TMEM45A: variants seen among roughly 807,000 people sequenced by gnomAD.
TMEM45A encodes DNA polymerase-transactivated protein 4.
A neutral mutation model predicts 32.0 loss-of-function variants in TMEM45A; 25 were observed. The observed-to-expected ratio is 0.78, with a 90% confidence interval of 0.57 to 1.09. The LOEUF (loss-of-function observed/expected upper bound fraction) is 1.09, where lower values mean the gene tolerates loss of function less well. TMEM45A is among the 50% of genes least tolerant of loss of function. The probability of loss-of-function intolerance (pLI) is 0.00; values close to 1 mark genes in which losing one functional copy is unlikely to be tolerated. For missense variants in TMEM45A, 302 were observed against 325.0 expected (o/e 0.93, Z 0.54); for synonymous variants, 122 against 114.8 (o/e 1.06, Z -0.40).
chr3:100,506,044 C>A (rs181566292), intron 1 of TMEM45A, among the ~76,000 whole-genome samples: 1 of 152,154 alleles, frequency 6.6e-6, no homozygotes, highest in Non-Finnish European at 1.5e-5. Context: ...ATCGTACTGA[C>A]CAGCACCTGT....
intron 1 of TMEM45A, among the ~76,000 whole-genome samples, chr3:100,532,393 C>T (rs1430274396): frequency 6.6e-6 from 1 of 152,152 alleles, no homozygotes; most frequent in African/African-American, 2.4e-5. Flanking sequence ...AAAACCAGAA[C>T]AAAAGTCATC....
At chr3:100,512,727 G>A (rs1196953856) in intron 1 of TMEM45A, among the ~76,000 whole-genome samples, 1 of 150,780 alleles carries the variant, frequency 6.6e-6, no homozygotes, top group Non-Finnish European at 1.5e-5. Flanking sequence ...TAGACCACTA[G>A]CAAGACTAAT....
chr3:100,528,111 T>G (rs1475341996), intron 1 of TMEM45A, among the ~76,000 whole-genome samples: 1 of 152,226 alleles, frequency 6.6e-6, no homozygotes. Flanking sequence ...TCACTGGGTG[T>G]TCTACACTTC....
intron 1 of TMEM45A, among the ~76,000 whole-genome samples, chr3:100,518,043 T>C (rs973045217): frequency 3.3e-5 from 5 of 152,320 alleles, no homozygotes; most frequent in Non-Finnish European, 7.3e-5. Flanking sequence ...GTTATGGGGT[T>C]TAGGAGGGTC....
In TMEM45A at chr3:100,494,349, C is replaced by T. The variant is rs139513117; in HGVS notation, c.-4+1421C>T. Among the ~76,000 whole-genome samples the T allele has an allele frequency of 7.5e-3, 1,147 of 152,176 alleles. 13 individuals are homozygous for T. The highest frequency in any genetic ancestry group is 0.027 in the African/African-American group (1,106 of 41,538). On this transcript the variant is annotated intron_variant, in intron 1 of 5. Coordinates refer to ENST00000323523, the MANE Select transcript of TMEM45A (RefSeq NM_018004.3). ...CAATAATTAAAAGTTGCAGCCTGGG[C>T]GCGGTGGCTCACGCCTGTAATCCCA... is the stretch of plus-strand genomic sequence containing the variant.
rs116597430 is a variant in TMEM45A, at chr3:100,499,293, A to G, written c.-4+6365A>G. 6.1e-3 allele frequency among the ~76,000 whole-genome samples: 930 copies of G among 152,192 alleles called. 12 individuals are homozygous for G. Among genetic ancestry groups the G allele is most frequent in the African/African-American group, 0.021 (863 of 41,530 alleles). ...AATTCAATGTCCTGAAGCTTTTTCC[A>G]TATGCCTTCTTCTGAGAATTTTATA... On this transcript the variant is annotated intron_variant, in intron 1 of 5. Coordinates refer to ENST00000323523, the MANE Select transcript of TMEM45A (RefSeq NM_018004.3).
chr3:100,518,998 G>A (rs1292232147), intron 1 of TMEM45A: 1 of 153,588 alleles, frequency 6.5e-6, no homozygotes, highest in African/African-American at 2.4e-5. Flanking sequence ...GATTGTAAAG[G>A]ACAATGTCTT....
rs575559510 is a variant in TMEM45A, at chr3:100,548,962, C to T, written c.-3-6247C>T. 6.1e-4 allele frequency among the ~76,000 whole-genome samples: 93 copies of T among 152,242 alleles called. 1 individual carries two copies. The highest frequency in any genetic ancestry group is 2.0e-3 in the African/African-American group (83 of 41,550). ...CACTGTGTGTTAGAAAATGGGTTAT[C>T]TTTGGCCGGGCATGCTGGCTCATGC... On this transcript the variant is annotated intron_variant, in intron 1 of 5. Transcript: ENST00000323523.
intron 1 of TMEM45A, among the ~76,000 whole-genome samples, chr3:100,553,062 G>C (rs1050873053): frequency 3.3e-5 from 5 of 152,232 alleles, no homozygotes; most frequent in African/African-American, 1.2e-4. Flanking sequence ...TACTCTGGTA[G>C]TTAGAGGTAG....
intron 5 of TMEM45A, chr3:100,574,225 A>G (rs1205278200): frequency 6.6e-6 from 1 of 152,168 alleles, no homozygotes; most frequent in Non-Finnish European, 1.5e-5. Context: ...GTTTTTTGAA[A>G]ACATCAACAA....
chr3:100,514,317 C>T (rs1423240758), intron 1 of TMEM45A, among the ~76,000 whole-genome samples: 46 of 152,144 alleles, frequency 3.0e-4, no homozygotes, highest in East Asian at 1.9e-3. Flanking sequence ...TCAGAAATAA[C>T]GCCACATATC....
intron 1 of TMEM45A, among the ~76,000 whole-genome samples, chr3:100,527,612 G>T (rs1705571041): frequency 6.6e-6 from 1 of 152,136 alleles, no homozygotes; most frequent in South Asian, 2.1e-4. Flanking sequence ...AAGATTTCCA[G>T]ATCTCTCTCC....
chr3:100,505,652 G>C lies in TMEM45A; in HGVS notation c.-4+12724G>C, dbSNP rs73860685. Among the ~76,000 whole-genome samples, 1,311 of 152,274 alleles carry C rather than the reference G, an allele frequency of 8.6e-3. 23 individuals are homozygous for C. The highest frequency in any genetic ancestry group is 0.03 in the African/African-American group (1,248 of 41,548). On this transcript the variant is annotated intron_variant, in intron 1 of 5. Coordinates refer to ENST00000323523, the MANE Select transcript of TMEM45A (RefSeq NM_018004.3). ...ATTGAGTGCAAAGAGTTTTAAAGAA[G>C]TTCTGTTTCTGCCCAAGATGGAGTA...
At chr3:100,559,400 T>C (rs1475546680) in intron 4 of TMEM45A, among the ~76,000 whole-genome samples, 1 of 152,016 alleles carries the variant, frequency 6.6e-6, no homozygotes, top group Non-Finnish European at 1.5e-5. Flanking sequence ...ATAAAAAGCA[T>C]TGGTAGGTGA....
chr3:100,520,946 C>T (rs558934083), intron 1 of TMEM45A, among the ~76,000 whole-genome samples: 1 of 152,328 alleles, frequency 6.6e-6, no homozygotes, highest in Admixed American at 6.5e-5. Context: ...GGATCCACAT[C>T]AAGAAGACAC....
chr3:100,551,631 A>T (rs778163950), intron 1 of TMEM45A, among the ~76,000 whole-genome samples: 39 of 152,332 alleles, frequency 2.6e-4, no homozygotes, highest in Non-Finnish European at 4.9e-4. Flanking sequence ...ACGTTTGAGG[A>T]TATGGACAAT....
chr3:100,502,561 G>C (rs949686345), intron 1 of TMEM45A, among the ~76,000 whole-genome samples: 1 of 152,056 alleles, frequency 6.6e-6, no homozygotes, highest in African/African-American at 2.4e-5. Context: ...CAACCTCTTG[G>C]GCTCAAGCCA....
At chr3:100,509,975 C>A (rs535057541) in intron 1 of TMEM45A, among the ~76,000 whole-genome samples, 1 of 152,056 alleles carries the variant, frequency 6.6e-6, no homozygotes, top group Non-Finnish European at 1.5e-5. Flanking sequence ...CCTACGCCCA[C>A]GGAGTCTTGC....
intron 1 of TMEM45A, among the ~76,000 whole-genome samples, chr3:100,535,408 A>G (rs1423359336): frequency 6.6e-6 from 1 of 152,070 alleles, no homozygotes; most frequent in Non-Finnish European, 1.5e-5. Flanking sequence ...ACACCAAGAG[A>G]CCGAGAGACC....
Sources: gnomAD v4.1 joint callset for allele counts (sites outside exome capture counted in the v4.1 genomes callset) on GRCh38, gnomAD v4.1.1 for gene constraint, MANE v1.5 for transcripts, NCBI Gene and HGNC (gene_info 2026-07-23, HGNC 2026-07-21) for gene names.